RUNDC3B: variants seen among roughly 807,000 people sequenced by gnomAD.
RUNDC3B encodes RUN domain-containing protein 3B.
A neutral mutation model predicts 58.4 loss-of-function variants in RUNDC3B; 33 were observed. The observed-to-expected ratio is 0.56, with a 90% CI of 0.43 to 0.75. The LOEUF (loss-of-function observed/expected upper bound fraction) is 0.75. Among genes scored for constraint, RUNDC3B ranks in the 30% least tolerant of loss-of-function variants. The pLI, the probability that RUNDC3B is intolerant of heterozygous loss-of-function variation, is 0.00. For synonymous variants in RUNDC3B, 193 were observed against 195.2 expected (o/e 0.99, Z 0.10); for missense variants, 501 against 535.7 (o/e 0.94, Z 0.64).
chr7:87,637,825 T>G (rs908327548), intron 1 of RUNDC3B, among the ~76,000 whole-genome samples: 1 of 152,096 alleles, frequency 6.6e-6, no homozygotes, highest in African/African-American at 2.4e-5. Flanking sequence ...TTAAAATTTT[T>G]TTTTCTGAGT....
intron 3 of RUNDC3B, among the ~76,000 whole-genome samples, chr7:87,701,651 G>T (rs1829045682): frequency 6.6e-6 from 1 of 151,908 alleles, no homozygotes; most frequent in South Asian, 2.1e-4. Context: ...CATTTAGTGA[G>T]TTTTGATCTA....
At chr7:87,824,056 T>A (rs1837657229) in intron 10 of RUNDC3B, among the ~76,000 whole-genome samples, 1 of 152,242 alleles carries the variant, frequency 6.6e-6, no homozygotes, top group Admixed American at 6.5e-5. Context: ...AAGTAACTTT[T>A]AAAATTGATA....
chr7:87,736,875 ATATATATATATATATTTTTTT>A (rs1307681870), intron 4 of RUNDC3B, among the ~76,000 whole-genome samples: 24 of 36,362 alleles, frequency 6.6e-4, no homozygotes, highest in South Asian at 3.1e-3. Context: ...ATATATATAT[ATATATATATATATATTTTTTT>A]TTTTTTTTTT....
At chr7:87,693,914 C>T (rs756808827) in intron 2 of RUNDC3B, 6 of 1,608,320 alleles carry the variant, frequency 3.7e-6, no homozygotes, top group Non-Finnish European at 5.1e-6. Context: ...AAAGAGATTT[C>T]CCAAAGTTGC....
At chr7:87,818,103 A>G (rs1464505626) in intron 10 of RUNDC3B, among the ~76,000 whole-genome samples, 1 of 152,162 alleles carries the variant, frequency 6.6e-6, no homozygotes, top group East Asian at 1.9e-4. Flanking sequence ...CATAATGAGT[A>G]TATTTTAAAA....
intron 4 of RUNDC3B, among the ~76,000 whole-genome samples, chr7:87,711,663 T>G (rs1392623233): frequency 1.3e-5 from 2 of 152,144 alleles, no homozygotes; most frequent in African/African-American, 2.4e-5. Flanking sequence ...ACACATGCCA[T>G]GTATAAATTT....
At position 87,628,584 on chromosome 7, in the gene RUNDC3B, C is replaced by CGTGTGTGT. The variant is rs71117546; in HGVS notation, c.-206_-199dup. The stretch of plus-strand genomic sequence containing the variant: ...CGAGGGCGGAGGTGGTGCGTGCGTG[C>CGTGTGTGT]GTGTGTGTGTGTGTGTGTGTGTGTG... On this transcript the variant is annotated 5_prime_UTR_variant, in exon 1 of 11. Transcript: ENST00000394654. 2.4e-3 allele frequency: 706 copies of CGTGTGTGT among 290,688 alleles called. 1 individual carries two copies. Among genetic ancestry groups the CGTGTGTGT allele is most frequent in the African/African-American group, 3.0e-3 (126 of 41,760 alleles). The allele number at this position is 290,688 out of a possible 1,614,324, so 18.0% of individuals were successfully genotyped here.
chr7:87,802,686 C>T (rs1455831710), intron 8 of RUNDC3B, among the ~76,000 whole-genome samples: 1 of 152,106 alleles, frequency 6.6e-6, no homozygotes, highest in Non-Finnish European at 1.5e-5. Context: ...ATATACACAC[C>T]TATTATGTAC....
intron 1 of RUNDC3B, among the ~76,000 whole-genome samples, chr7:87,644,563 C>CTAGATGTT (rs1402155536): frequency 6.6e-6 from 1 of 152,074 alleles, no homozygotes; most frequent in African/African-American, 2.4e-5. Context: ...TGTGATGATT[C>CTAGATGTT]TAGATGTTTT....
At chr7:87,728,585 C>T (rs1831385937) in intron 4 of RUNDC3B, among the ~76,000 whole-genome samples, 2 of 152,206 alleles carry the variant, frequency 1.3e-5, no homozygotes, top group Admixed American at 6.6e-5. Flanking sequence ...ACCTCTGCCT[C>T]TTTTGTCACA....
chr7:87,749,338 G>A (rs1236778593), intron 6 of RUNDC3B, among the ~76,000 whole-genome samples: 1 of 152,032 alleles, frequency 6.6e-6, no homozygotes, highest in Non-Finnish European at 1.5e-5. Flanking sequence ...ATCCTGCATA[G>A]CCACTTTTTG....
chr7:87,792,197 G>A (rs1396378748), intron 8 of RUNDC3B, among the ~76,000 whole-genome samples: 2 of 152,098 alleles, frequency 1.3e-5, no homozygotes, highest in African/African-American at 4.8e-5. Context: ...CAACACTGGA[G>A]CACTCAGATA....
chr7:87,823,379 C>A (rs1283569820), intron 10 of RUNDC3B, among the ~76,000 whole-genome samples: 2 of 150,526 alleles, frequency 1.3e-5, no homozygotes, highest in African/African-American at 2.5e-5. Flanking sequence ...TTTTTTCTTT[C>A]TTTAAAATTG....
At chr7:87,822,953 T>G (rs1259209120) in intron 10 of RUNDC3B, among the ~76,000 whole-genome samples, 2 of 151,974 alleles carry the variant, frequency 1.3e-5, no homozygotes, top group Non-Finnish European at 2.9e-5. Context: ...ACGAGTTATT[T>G]GGTGCAGCAC....
chr7:87,761,073 T>C lies in RUNDC3B; in HGVS notation c.630-9508T>C, dbSNP rs554724783. On this transcript the variant is annotated intron_variant, in intron 6 of 10. Transcript: ENST00000394654. The stretch of plus-strand genomic sequence containing the variant: ...ACTGGGAGAAAATTTTTGCAAATCA[T>C]ACACAAAATCAGGGTCTAGTATTTA... Among the ~76,000 whole-genome samples, 159 of 152,046 alleles carry C rather than the reference T, an allele frequency of 1.0e-3. 1 individual carries two copies. The highest frequency in any genetic ancestry group is 3.7e-3 in the African/African-American group (153 of 41,534).
chr7:87,796,723 A>G (rs1835841260), intron 8 of RUNDC3B, among the ~76,000 whole-genome samples: 1 of 152,212 alleles, frequency 6.6e-6, no homozygotes, highest in Non-Finnish European at 1.5e-5. Context: ...CAAAAATAAG[A>G]GAGACGTTAA....
At chr7:87,758,701 C>T (rs1833512077) in intron 6 of RUNDC3B, among the ~76,000 whole-genome samples, 1 of 152,064 alleles carries the variant, frequency 6.6e-6, no homozygotes, top group African/African-American at 2.4e-5. Context: ...AGGAGACATA[C>T]AAATGGTTAA....
chr7:87,629,163 G>A (rs1211756162), intron 1 of RUNDC3B: 3 of 402,294 alleles, frequency 7.5e-6, no homozygotes, highest in East Asian at 3.6e-5. Flanking sequence ...CAGTGCTGAA[G>A]GTACTGGAGG....
chr7:87,651,371 G>A (rs1585004732), intron 2 of RUNDC3B, among the ~76,000 whole-genome samples: 1 of 152,020 alleles, frequency 6.6e-6, no homozygotes, highest in Non-Finnish European at 1.5e-5. Flanking sequence ...AGACATGCTT[G>A]TCTTTGATTT....
Sources: allele counts gnomAD v4.1 joint callset (sites outside exome capture counted in the v4.1 genomes callset), GRCh38; gene constraint gnomAD v4.1.1; transcripts MANE v1.5; gene names NCBI Gene and HGNC (gene_info 2026-07-23, HGNC 2026-07-21).